The following EXOC6 variants were observed in gnomAD, a reference collection of about 807,000 sequenced individuals.
The protein encoded by EXOC6 is exocyst complex component 6, also known as SEC15-like 1.
EXOC6 carries 60 observed loss-of-function variants against 112.5 expected under a neutral mutation model. The observed-to-expected ratio is 0.53, with a 90% confidence interval of 0.43 to 0.66. EXOC6 has a LOEUF of 0.66. Among genes scored for constraint, EXOC6 ranks in the 30% least tolerant of loss-of-function variants. The probability of loss-of-function intolerance (pLI) is 0.00; values close to 1 mark genes in which losing one functional copy is unlikely to be tolerated. For missense variants in EXOC6, 855 were observed against 957.1 expected (o/e 0.89, Z 1.41); for synonymous variants, 295 against 308.0 (o/e 0.96, Z 0.44).
Position 92,996,606 on chromosome 10 carries a change from CA to C in EXOC6, c.1954-854del, listed in dbSNP as rs34210520. ...CTGGCCACAGAGTGAGACTCTGTCT[CA>C]AAAAAAAAAAAAATTAATTTACACT... On this transcript the variant is annotated intron_variant, in intron 18 of 21. Transcript: ENST00000260762. Among the ~76,000 whole-genome samples the C allele has an allele frequency of 1.8e-3, 252 of 142,048 alleles. 1 individual carries two copies. Among genetic ancestry groups the C allele is most frequent in the Non-Finnish European group, 2.0e-3 (131 of 64,718 alleles). 93.2% of individuals were successfully genotyped at this position (142,048 alleles called of 152,430 possible). A position where few individuals can be genotyped will look rare whatever the true frequency, so the allele number is the denominator to read the frequency against.
rs187670764 is a variant in EXOC6, at chr10:92,984,924, A to G, written c.1953+10692A>G. ...TAAGGTGGGAGGATCGCTTGAGCCC[A>G]GGAAGTCTAGGCTGCAGTGAGCCAT... On this transcript the variant is annotated intron_variant, in intron 18 of 21. Transcript: ENST00000260762. 3.6e-3 allele frequency among the ~76,000 whole-genome samples: 544 copies of G among 152,236 alleles called. 4 individuals are homozygous for G. The highest frequency in any genetic ancestry group is 6.2e-3 in the Non-Finnish European group (420 of 68,004).
chr10:92,960,069 T>C (rs1000247692), intron 17 of EXOC6, among the ~76,000 whole-genome samples: 6 of 152,222 alleles, frequency 3.9e-5, no homozygotes, highest in African/African-American at 1.4e-4. Flanking sequence ...TGGATGTTTA[T>C]AGCAGCTTTA....
At chr10:92,832,534 T>A (rs762624627), upstream of EXOC6, among the ~76,000 whole-genome samples, 1 of 152,052 alleles carries the variant, frequency 6.6e-6, no homozygotes, top group Non-Finnish European at 1.5e-5. Context: ...CACCTCAGCC[T>A]CCCAAAGTGC....
At position 93,023,140 on chromosome 10, in the gene EXOC6, A is replaced by G. The variant is rs137931969; in HGVS notation, c.2169+8873A>G. Among the ~76,000 whole-genome samples the G allele has an allele frequency of 1.3e-5, 2 of 151,976 alleles. 1 individual carries two copies. Among genetic ancestry groups the G allele is most frequent in the African/African-American group, 4.8e-5 (2 of 41,444 alleles). The stretch of plus-strand genomic sequence containing the variant: ...TGTTTTTTTTTAGTTTGAATTTGAT[A>G]CTGCTTCATGAGTTGCTATGAAAGA... On this transcript the variant is annotated intron_variant, in intron 20 of 21. Coordinates refer to ENST00000260762, the MANE Select transcript of EXOC6 (RefSeq NM_019053.6).
upstream of EXOC6, among the ~76,000 whole-genome samples, chr10:92,845,099 T>C (rs1309625351): frequency 6.6e-6 from 1 of 152,230 alleles, no homozygotes; most frequent in Non-Finnish European, 1.5e-5. Flanking sequence ...CCTGCTGGTC[T>C]TCCTGGTGTA....
intron 4 of EXOC6, among the ~76,000 whole-genome samples, chr10:92,896,333 G>A (rs1849824651): frequency 1.4e-5 from 2 of 147,244 alleles, no homozygotes; most frequent in Non-Finnish European, 3.0e-5. Context: ...GAGTAGCTGG[G>A]ATTATAGGTG....
At chr10:92,868,962 T>C (rs576534770) in intron 1 of EXOC6, among the ~76,000 whole-genome samples, 1 of 151,972 alleles carries the variant, frequency 6.6e-6, no homozygotes, top group African/African-American at 2.4e-5. Flanking sequence ...CTAAAACCTT[T>C]AGTATTTTCT....
chr10:93,050,778 A>AAAAAAAAAAAAAAAAAAAAAAAAAC (rs1846250248), intron 20 of EXOC6, among the ~76,000 whole-genome samples: 1 of 148,492 alleles, frequency 6.7e-6, no homozygotes. Context: ...AAAAAAAAAA[A>AAAAAAAAAAAAAAAAAAAAAAAAAC]AAAGAATTGC....
At chr10:92,864,816 G>A (rs1848099062) in intron 1 of EXOC6, among the ~76,000 whole-genome samples, 1 of 152,128 alleles carries the variant, frequency 6.6e-6, no homozygotes, top group Non-Finnish European at 1.5e-5. Context: ...TTTTGACTTG[G>A]TCTGAATTAT....
At chr10:93,057,815 A>G (rs1398789728) in intron 21 of EXOC6, among the ~76,000 whole-genome samples, 1 of 152,202 alleles carries the variant, frequency 6.6e-6, no homozygotes, top group Non-Finnish European at 1.5e-5. Context: ...TTACAATGCC[A>G]TGAAATGCAA....
chr10:93,048,814 G>GA (rs1484701839), intron 20 of EXOC6, among the ~76,000 whole-genome samples: 10 of 151,212 alleles, frequency 6.6e-5, no homozygotes, highest in African/African-American at 2.4e-4. Context: ...AAACTTTCAG[G>GA]AAACTTTAAT....
At chr10:92,976,274 C>G (rs1005456670) in intron 18 of EXOC6, among the ~76,000 whole-genome samples, 3 of 152,160 alleles carry the variant, frequency 2.0e-5, no homozygotes, top group Non-Finnish European at 2.9e-5. Context: ...GGATGGTTGC[C>G]GTGTCTGTGT....
upstream of EXOC6, among the ~76,000 whole-genome samples, chr10:92,843,887 G>T (rs1279314493): frequency 1.4e-5 from 2 of 143,238 alleles, no homozygotes. Flanking sequence ...ACTCGGGAGA[G>T]AACTGCTTGA....
chr10:92,999,730 G>T lies in EXOC6; in HGVS notation c.2095+2115G>T, dbSNP rs559620229. 1.3e-4 allele frequency among the ~76,000 whole-genome samples: 19 copies of T among 150,660 alleles called. 1 individual carries two copies. Among genetic ancestry groups the T allele is most frequent in the Admixed American group, 9.3e-4 (14 of 15,130 alleles). ...TAATTTTTTTTTTTTTTGAGGCAGG[G>T]TCTCGCTGTGTCTCCCAGGCTGGAG... On this transcript the variant is annotated intron_variant, in intron 19 of 21. Coordinates refer to ENST00000260762, the MANE Select transcript of EXOC6 (RefSeq NM_019053.6).
chr10:92,937,800 A>G (rs1280693813), intron 12 of EXOC6, among the ~76,000 whole-genome samples: 1 of 152,176 alleles, frequency 6.6e-6, no homozygotes, highest in African/African-American at 2.4e-5. Context: ...AGCAAAAGTA[A>G]TAGTAATTTT....
rs146881282 is a variant in EXOC6, at chr10:92,841,602, T to A, written c.86+6778T>A. Among the ~76,000 whole-genome samples, 490 of 152,354 alleles carry A rather than the reference T, an allele frequency of 3.2e-3. 7 individuals are homozygous for A. The highest frequency in any genetic ancestry group is 0.011 in the African/African-American group (462 of 41,592). ...TGGAATGTCTTATGAGACTCGGCTATACAGTTACCCAATTTTTGCTGGACA... is the reference window on the plus strand; with the variant it reads ...TGGAATGTCTTATGAGACTCGGCTAAACAGTTACCCAATTTTTGCTGGACA... On this transcript the variant is annotated intron_variant, in intron 1 of 21. Transcript: ENST00000371552.
At chr10:92,979,185 A>G (rs562315066) in intron 18 of EXOC6, among the ~76,000 whole-genome samples, 50 of 152,142 alleles carry the variant, frequency 3.3e-4, no homozygotes, top group African/African-American at 1.2e-3. Context: ...CCCTCCGGTG[A>G]AGTCTTGCTC....
intron 19 of EXOC6, chr10:92,999,301 CAT>C (rs778337141): frequency 2.1e-5 from 8 of 388,178 alleles, no homozygotes; most frequent in South Asian, 1.5e-4. Context: ...GGCCTCAAGT[CAT>C]CCTCCTGCCT....
intron 1 of EXOC6, among the ~76,000 whole-genome samples, chr10:92,850,955 T>TA (rs1473991347): frequency 2.0e-5 from 3 of 151,634 alleles, no homozygotes; most frequent in African/African-American, 2.4e-5. Context: ...AATCAGTAGT[T>TA]AAAAAAAACA....
Sources: gnomAD v4.1 joint callset for allele counts (sites outside exome capture counted in the v4.1 genomes callset) on GRCh38, gnomAD v4.1.1 for gene constraint, MANE v1.5 for transcripts, NCBI Gene and HGNC (gene_info 2026-07-23, HGNC 2026-07-21) for gene names.